The following PPP4R4 variants were observed in gnomAD, a reference collection of about 807,000 sequenced individuals.
PPP4R4 encodes the protein serine/threonine-protein phosphatase 4 regulatory subunit 4.
In PPP4R4, 70 loss-of-function variants were observed where a neutral mutation model predicts 121.8. The ratio of observed to expected loss-of-function variants is 0.57; its 90% CI spans 0.47 to 0.70. The LOEUF (loss-of-function observed/expected upper bound fraction) is 0.70, where lower values mean the gene tolerates loss of function less well. PPP4R4 is among the 30% of genes least tolerant of loss of function. The pLI, the probability that PPP4R4 is intolerant of heterozygous loss-of-function variation, is 0.00. For missense variants in PPP4R4, 875 were observed against 1,033.6 expected (o/e 0.85, Z 2.10); for synonymous variants, 348 against 355.7 (o/e 0.98, Z 0.24).
At chr14:94,222,745 G>A (rs1196245666) in intron 3 of PPP4R4, among the ~76,000 whole-genome samples, 1 of 151,736 alleles carries the variant, frequency 6.6e-6, no homozygotes, top group Non-Finnish European at 1.5e-5. Flanking sequence ...CTAGAAATAT[G>A]GAGGCATATT....
Position 94,265,905 on chromosome 14 carries a change from T to G in PPP4R4, c.2378+18T>G, listed in dbSNP as rs1408958638. ...TGTGCTAGGTACGATCTGTAAGCCC[T>G]TCAATTTTTAACATAATTTTTATCT... On this transcript the variant is annotated intron_variant, in intron 22 of 24. Coordinates refer to ENST00000304338, the MANE Select transcript of PPP4R4 (RefSeq NM_058237.2). 2.1e-6 allele frequency: 3 copies of G among 1,452,410 alleles called. No homozygotes were observed. Among genetic ancestry groups the G allele is most frequent in the Non-Finnish European group, 1.9e-6 (2 of 1,063,158 alleles). The allele number at this position is 1,452,410 out of a possible 1,614,324, so 90.0% of individuals were successfully genotyped here. A position where few individuals can be genotyped will look rare whatever the true frequency, so the allele number is the denominator to read the frequency against.
intron 2 of PPP4R4, among the ~76,000 whole-genome samples, chr14:94,202,297 TATAGAA>T (rs1890232856): frequency 6.6e-6 from 1 of 152,136 alleles, no homozygotes; most frequent in Admixed American, 6.5e-5. Context: ...CCCAAAAACC[TATAGAA>T]ATAAAGTGCT....
Position 94,246,437 on chromosome 14 carries a change from T to C in PPP4R4, c.1509T>C (p.His503=). ...CAGCCTCTTTAAAATGGAGAACTCA[T>C]GAGAAGCTACTTCAGAAATATGCCT... ...RAAASLKWRT[H]EKLLQKYACL... is the part of the protein sequence containing the mutation. Residue 503 remains histidine (H), a synonymous_variant, in exon 14 of 25, where the codon CAT becomes CAC. Transcript: ENST00000304338. 2 of 1,613,558 alleles carry C rather than the reference T, an allele frequency of 1.2e-6. No individual in the cohort carries two copies. Among genetic ancestry groups the C allele is most frequent in the South Asian group, 2.2e-5 (2 of 91,074 alleles).
intron 3 of PPP4R4, among the ~76,000 whole-genome samples, chr14:94,219,575 C>T (rs1327216154): frequency 6.6e-6 from 1 of 151,974 alleles, no homozygotes; most frequent in African/African-American, 2.4e-5. Context: ...TACTCATGAG[C>T]GTAGATGCAA....
chr14:94,227,632 T>C (rs887274566), intron 3 of PPP4R4: 4 of 1,171,696 alleles, frequency 3.4e-6, no homozygotes, highest in South Asian at 3.3e-5. Flanking sequence ...TAAGAAGATA[T>C]GAAGTTGGAG....
chr14:94,271,779 T>G (rs1894347991), intron 23 of PPP4R4, among the ~76,000 whole-genome samples: 1 of 152,094 alleles, frequency 6.6e-6, no homozygotes, highest in Admixed American at 6.6e-5. Context: ...AACTAAGAAG[T>G]GATTATGGCA....
At chr14:94,205,996 A>G (rs1266824338) in intron 2 of PPP4R4, among the ~76,000 whole-genome samples, 1 of 152,058 alleles carries the variant, frequency 6.6e-6, no homozygotes, top group Non-Finnish European at 1.5e-5. Flanking sequence ...GGTTGATGGT[A>G]TTCTTGAGTT....
At chr14:94,175,287 C>T (rs1173702692) in intron 1 of PPP4R4, among the ~76,000 whole-genome samples, 3 of 152,050 alleles carry the variant, frequency 2.0e-5, no homozygotes, top group African/African-American at 7.2e-5. Context: ...CCCTCGCGAC[C>T]CTTTGCCGCC....
chr14:94,275,137 G>A (rs1894563261), intron 23 of PPP4R4, among the ~76,000 whole-genome samples: 2 of 152,128 alleles, frequency 1.3e-5, no homozygotes, highest in Admixed American at 6.6e-5. Context: ...TTGTGATGGG[G>A]TATGAGGGAC....
chr14:94,190,384 G>A (rs6575397), intron 2 of PPP4R4, among the ~76,000 whole-genome samples: 19,286 of 151,980 alleles, frequency 0.13, 1,366 homozygotes, highest in Admixed American at 0.21. Flanking sequence ...GAGGTGGGTG[G>A]ATCACTTGAG....
At chr14:94,219,142 C>T (rs373278118) in intron 3 of PPP4R4, among the ~76,000 whole-genome samples, 3 of 140,278 alleles carry the variant, frequency 2.1e-5, no homozygotes, top group East Asian at 4.3e-4. Context: ...TGCAATGGCA[C>T]GATCTAGGCT....
intron 2 of PPP4R4, among the ~76,000 whole-genome samples, chr14:94,195,383 C>T (rs1595460183): frequency 2.0e-5 from 3 of 152,128 alleles, no homozygotes; most frequent in African/African-American, 4.8e-5. Flanking sequence ...GTTTGAGAAC[C>T]GCTGCTCTAG....
In PPP4R4 at chr14:94,264,962, T is replaced by C; in HGVS notation, c.2197+15T>C. 6.5e-7 allele frequency: 1 copy of C among 1,545,862 alleles called. No homozygotes were observed. The highest frequency in any genetic ancestry group is 8.8e-7 in the Non-Finnish European group (1 of 1,130,692). On this transcript the variant is annotated intron_variant, in intron 20 of 24. Coordinates refer to ENST00000304338, the MANE Select transcript of PPP4R4 (RefSeq NM_058237.2). The stretch of plus-strand genomic sequence containing the variant: ...TGAAAAGAAACGTAAGTAGTTTTTC[T>C]ATGTCTTCAACACTTAATTACATAA...
intron 23 of PPP4R4, among the ~76,000 whole-genome samples, chr14:94,274,270 A>G (rs1330766617): frequency 2.6e-5 from 4 of 152,158 alleles, no homozygotes; most frequent in Admixed American, 2.6e-4. Context: ...TGACCATAAA[A>G]CAAAAATATC....
intron 11 of PPP4R4, 144 bp downstream of exon 11, chr14:94,242,552 T>A: frequency 1.2e-6 from 1 of 809,542 alleles, no homozygotes; most frequent in Non-Finnish European, 1.8e-6. Context: ...AAAATTTCCT[T>A]AATTTTCTTC....
At chr14:94,198,619 T>A (rs1365181602) in intron 2 of PPP4R4, among the ~76,000 whole-genome samples, 1 of 152,224 alleles carries the variant, frequency 6.6e-6, no homozygotes, top group African/African-American at 2.4e-5. Flanking sequence ...TCACTAAGAT[T>A]TTCTGCTGTT....
intron 10 of PPP4R4, 87 bp downstream of exon 10, chr14:94,242,044 T>C: frequency 5.3e-6 from 7 of 1,323,866 alleles, no homozygotes; most frequent in Non-Finnish European, 7.3e-6. Context: ...ATTGCCATTT[T>C]TGACACTTGC....
chr14:94,265,566 G>C, intron 21 of PPP4R4, 93 bp downstream of exon 21: 2 of 1,104,172 alleles, frequency 1.8e-6, no homozygotes, highest in Non-Finnish European at 1.3e-6. Context: ...AGATACAGTA[G>C]GATAATATAT....
Position 94,275,388 on chromosome 14 carries a change from A to T in PPP4R4, c.2464A>T (p.Thr822Ser), listed in dbSNP as rs1316358512. 9.9e-6 allele frequency: 16 copies of T among 1,613,604 alleles called. No homozygotes were observed. Among genetic ancestry groups the T allele is most frequent in the Non-Finnish European group, 1.4e-5 (16 of 1,179,776 alleles). Residue 822 changes from threonine to serine, a missense_variant, in exon 24 of 25, where the codon ACT becomes TCT. Coordinates refer to ENST00000304338, the MANE Select transcript of PPP4R4 (RefSeq NM_058237.2). Reference sequence around the variant, plus strand: ...ATTGCTTTCAGATGATTCATTCCGGACTCGTAATGCCAGTAGCGTTCCATC... The same window carrying T: ...ATTGCTTTCAGATGATTCATTCCGGTCTCGTAATGCCAGTAGCGTTCCATC... Reference protein sequence around the residue: ...VLSLADDSFRTRNASSVPSSF... With the variant: ...VLSLADDSFRSRNASSVPSSF...
Sources: gnomAD v4.1 joint callset for allele counts (sites outside exome capture counted in the v4.1 genomes callset) on GRCh38, gnomAD v4.1.1 for gene constraint, MANE v1.5 for transcripts, NCBI Gene and HGNC (gene_info 2026-07-23, HGNC 2026-07-21) for gene names.